Variants in GRID2 observed in about 807,000 individuals in gnomAD.
The protein encoded by GRID2 is glutamate receptor ionotropic, delta-2.
Under a neutral mutation model 114.8 loss-of-function variants are expected in GRID2, and 33 were observed. The observed-to-expected ratio is 0.29, with a 90% CI of 0.22 to 0.38. The LOEUF (loss-of-function observed/expected upper bound fraction) is 0.38. Among genes scored for constraint, GRID2 ranks in the 10% least tolerant of loss-of-function variants. The pLI is 1.00. For missense variants in GRID2, 1,184 were observed against 1,257.7 expected (o/e 0.94, Z 0.89); for synonymous variants, 505 against 449.9 (o/e 1.12, Z -1.55).
At chr4:93,076,077 T>C (rs1164241628) in intron 2 of GRID2, among the ~76,000 whole-genome samples, 1 of 151,948 alleles carries the variant, frequency 6.6e-6, no homozygotes, top group East Asian at 1.9e-4. Flanking sequence ...TAATTTTTTG[T>C]ATTTTTAGTA....
Position 93,342,868 on chromosome 4 carries a change from G to A in GRID2, c.1246-52739G>A, listed in dbSNP as rs919269477. ...AGGCTGACCTTGCTTGAAATTGGAA[G>A]CATTTTTAGAATAATTTATGCATCA... On this transcript the variant is annotated intron_variant, in intron 8 of 15. Coordinates refer to ENST00000282020, the MANE Select transcript of GRID2 (RefSeq NM_001510.4). 3.3e-5 allele frequency among the ~76,000 whole-genome samples: 5 copies of A among 152,066 alleles called. No homozygotes were observed. In the East Asian group the frequency reaches 7.7e-4, roughly 23 times the overall value.
At chr4:93,151,187 C>T (rs763094681) in intron 4 of GRID2, among the ~76,000 whole-genome samples, 63 of 151,580 alleles carry the variant, frequency 4.2e-4, no homozygotes, top group Non-Finnish European at 6.9e-4. Flanking sequence ...GCCTCCAGCT[C>T]ATATCTATTC....
chr4:92,720,191 G>T (rs143072942), intron 2 of GRID2, among the ~76,000 whole-genome samples: 1 of 151,836 alleles, frequency 6.6e-6, no homozygotes. Context: ...AAGAACAAAA[G>T]ATGTTCTGGA....
At chr4:92,408,949 CT>C (rs913705806) in intron 1 of GRID2, among the ~76,000 whole-genome samples, 1 of 151,912 alleles carries the variant, frequency 6.6e-6, no homozygotes, top group African/African-American at 2.4e-5. Flanking sequence ...TATTTTGATG[CT>C]TTTTATTTTA....
At chr4:92,418,588 T>C (rs897602961) in intron 1 of GRID2, among the ~76,000 whole-genome samples, 1 of 152,040 alleles carries the variant, frequency 6.6e-6, no homozygotes, top group Non-Finnish European at 1.5e-5. Flanking sequence ...GATTTAAATA[T>C]GAGACAAAGT....
chr4:92,731,330 G>C (rs1320296826), intron 2 of GRID2, among the ~76,000 whole-genome samples: 2 of 151,508 alleles, frequency 1.3e-5, no homozygotes, highest in East Asian at 3.9e-4. Context: ...CAAAAACCAT[G>C]ATTACTTTTG....
chr4:93,785,833 T>C (rs1474637670), intron 1 of GRID2, among the ~76,000 whole-genome samples: 1 of 149,444 alleles, frequency 6.7e-6, no homozygotes, highest in African/African-American at 2.5e-5. Context: ...AGTAAAGAGG[T>C]GGAAAGGAAG....
intron 1 of GRID2, among the ~76,000 whole-genome samples, chr4:92,353,772 A>G (rs1255765910): frequency 6.6e-6 from 1 of 152,034 alleles, no homozygotes; most frequent in Non-Finnish European, 1.5e-5. Context: ...TTAAAAGCTT[A>G]ACATCTTGTT....
intron 4 of GRID2, among the ~76,000 whole-genome samples, chr4:93,153,681 G>A (rs532367571): frequency 1.3e-5 from 2 of 152,086 alleles, no homozygotes; most frequent in Non-Finnish European, 2.9e-5. Context: ...AGTTTAGAAG[G>A]AAAGTGAATT....
chr4:93,580,079 A>G (rs1736809705), intron 13 of GRID2, among the ~76,000 whole-genome samples: 1 of 152,248 alleles, frequency 6.6e-6, no homozygotes, highest in Non-Finnish European at 1.5e-5. Flanking sequence ...GGCACATAAC[A>G]GATGTACAAT....
At chr4:92,806,648 A>G (rs555575322) in intron 2 of GRID2, among the ~76,000 whole-genome samples, 2 of 152,070 alleles carry the variant, frequency 1.3e-5, no homozygotes, top group African/African-American at 4.8e-5. Context: ...AATATAATCT[A>G]AGATATTAAT....
rs1210053621 is a variant in GRID2 at position 93,224,621 on chromosome 4, A to C, written c.971A>C (p.Asn324Thr). The C allele has an allele frequency of 6.2e-7, 1 of 1,606,592 alleles. No homozygotes were observed. The part of the protein sequence containing the change: ...DPFAQNMEIS[N>T]LYIYDTVLLL... ...TTTCTAATGTCTTTTCAGATTTCCA[A>C]CCTTTACATATATGACACGGTGCTT... is the stretch of plus-strand genomic sequence containing the variant. Residue 324 changes from asparagine (N) to threonine (T), a missense_variant, in exon 7 of 16, where the codon AAC (asparagine) becomes ACC (threonine). By Grantham distance (65) the Asn-to-Thr change is moderately conservative. Transcript: ENST00000282020.
chr4:92,870,589 AAAAG>A (rs1382015607), intron 2 of GRID2, among the ~76,000 whole-genome samples: 7 of 152,058 alleles, frequency 4.6e-5, no homozygotes, highest in Admixed American at 3.9e-4. Flanking sequence ...TTTTAAATAA[AAAAG>A]AAATACATAG....
rs1725286777 is a variant in GRID2 at position 92,304,740 on chromosome 4, C to T, written c.84C>T (p.His28=). ...CGGCGAATGCGGATTCGATCATTCA[C>T]ATCGGTAAGAAAGTGTTGGTGCAGC... ...WDSANADSII[H]IGAIFDESAK... The change falls in exon 1 of 16, where the codon CAC becomes CAT. Residue 28 remains histidine, a synonymous_variant. Coordinates refer to ENST00000282020, the MANE Select transcript of GRID2 (RefSeq NM_001510.4). 2 of 1,606,166 alleles carry T rather than the reference C, an allele frequency of 1.2e-6. No homozygotes were observed. The highest frequency in any genetic ancestry group is 1.3e-5 in the African/African-American group (1 of 74,774).
chr4:92,723,552 C>T (rs1018752872), intron 2 of GRID2, among the ~76,000 whole-genome samples: 1 of 152,116 alleles, frequency 6.6e-6, no homozygotes, highest in Non-Finnish European at 1.5e-5. Flanking sequence ...AACTTAAAAT[C>T]ACCTTTCCTG....
At chr4:92,496,941 G>A (rs1241502132) in intron 1 of GRID2, among the ~76,000 whole-genome samples, 4 of 151,158 alleles carry the variant, frequency 2.6e-5, no homozygotes, top group African/African-American at 9.7e-5. Flanking sequence ...TAAGTTATTT[G>A]TTTCTAGTTC....
intron 10 of GRID2, among the ~76,000 whole-genome samples, chr4:93,436,179 C>G (rs1721067021): frequency 6.6e-6 from 1 of 152,134 alleles, no homozygotes; most frequent in African/African-American, 2.4e-5. Flanking sequence ...TTTGGTATCG[C>G]TTGCTCCATC....
At chr4:93,341,555 T>G (rs1759659495) in intron 8 of GRID2, among the ~76,000 whole-genome samples, 1 of 152,180 alleles carries the variant, frequency 6.6e-6, no homozygotes, top group Non-Finnish European at 1.5e-5. Context: ...ACTCCTGGCC[T>G]CAAGTGATCC....
chr4:92,631,803 T>A (rs1730820659), intron 2 of GRID2, among the ~76,000 whole-genome samples: 1 of 152,184 alleles, frequency 6.6e-6, no homozygotes, highest in Non-Finnish European at 1.5e-5. Flanking sequence ...CTCTGATATC[T>A]ACATTGATAT....
Sources: allele counts gnomAD v4.1 joint callset (sites outside exome capture counted in the v4.1 genomes callset), GRCh38; gene constraint gnomAD v4.1.1; transcripts MANE v1.5; gene names NCBI Gene and HGNC (gene_info 2026-07-23, HGNC 2026-07-21).